TENM3: variants seen among roughly 807,000 people sequenced by gnomAD.
TENM3 encodes the protein teneurin transmembrane protein 3, also known as teneurin-3.
Under a neutral mutation model 255.1 loss-of-function variants are expected in TENM3, and 63 were observed. The ratio of observed to expected loss-of-function variants is 0.25; its 90% CI spans 0.20 to 0.30. The LOEUF (loss-of-function observed/expected upper bound fraction) is 0.30, where lower values mean the gene tolerates loss of function less well. Ranked by LOEUF, TENM3 falls within the 10% of genes least tolerant of loss-of-function variation. The pLI is 1.00. For missense variants in TENM3, 2,929 were observed against 3,461.1 expected (o/e 0.85, Z 3.86); for synonymous variants, 1,306 against 1,322.3 (o/e 0.99, Z 0.27).
chr4:181,699,326 G>A, the TENM3 span, among the ~76,000 whole-genome samples: 1 of 151,160 alleles, frequency 6.6e-6, no homozygotes, highest in Non-Finnish European at 1.5e-5. Flanking sequence ...AGCTACTTGG[G>A]CAGCTGAGAC....
At chr4:182,481,043 TTA>T (rs1290205409) in intron 3 of TENM3, among the ~76,000 whole-genome samples, 1 of 150,060 alleles carries the variant, frequency 6.7e-6, no homozygotes, top group African/African-American at 2.4e-5. Context: ...TATAATCCTC[TTA>T]TCTATTGCTT....
At chr4:182,695,985 C>T (rs1015881343) in intron 12 of TENM3, among the ~76,000 whole-genome samples, 1 of 152,126 alleles carries the variant, frequency 6.6e-6, no homozygotes, top group Non-Finnish European at 1.5e-5. Flanking sequence ...TGTTACTCAT[C>T]CCAGTGTATC....
At chr4:182,202,253 A>T (rs1382544120) in intron 1 of TENM3, among the ~76,000 whole-genome samples, 1 of 151,286 alleles carries the variant, frequency 6.6e-6, no homozygotes, top group Non-Finnish European at 1.5e-5. Context: ...AAGTTCCTGA[A>T]GTTCCTGGTG....
intron 3 of TENM3, among the ~76,000 whole-genome samples, chr4:182,464,690 A>C (rs1389117846): frequency 6.6e-6 from 1 of 152,236 alleles, no homozygotes; most frequent in Non-Finnish European, 1.5e-5. Flanking sequence ...GTTACAAAAT[A>C]AAAATTTTTA....
At chr4:181,761,127 C>G in the TENM3 span, among the ~76,000 whole-genome samples, 1 of 151,932 alleles carries the variant, frequency 6.6e-6, no homozygotes, top group African/African-American at 2.4e-5. Context: ...GTTGCTTAGT[C>G]AAGGCAAGAG....
rs556325871 is a variant in TENM3, at chr4:182,789,627, C to A, written c.5601+238C>A. Reference sequence around the variant, plus strand: ...CCTTTTAAGTGATTTATGATGTAAACAAATAAGCATTAACGTTGTCCACCT... The same window carrying A: ...CCTTTTAAGTGATTTATGATGTAAAAAAATAAGCATTAACGTTGTCCACCT... On this transcript the variant is annotated intron_variant, in intron 25 of 27. Coordinates refer to ENST00000511685, the MANE Select transcript of TENM3 (RefSeq NM_001080477.4). The surrounding 1 kb of genome is among the most constrained non-coding windows in gnomAD (Gnocchi z 4.4). 1.4e-4 allele frequency among the ~76,000 whole-genome samples: 21 copies of A among 152,188 alleles called. No homozygotes were observed. The highest frequency in any genetic ancestry group is 2.2e-4 in the Non-Finnish European group (15 of 68,034).
At chr4:182,704,269 A>T (rs1758105085) in intron 12 of TENM3, among the ~76,000 whole-genome samples, 1 of 152,352 alleles carries the variant, frequency 6.6e-6, no homozygotes, top group South Asian at 2.1e-4. Flanking sequence ...CATACATCAC[A>T]CACCACACAA....
chr4:182,129,007 G>A, the TENM3 span, among the ~76,000 whole-genome samples: 6 of 152,296 alleles, frequency 3.9e-5, no homozygotes, highest in African/African-American at 7.2e-5. Context: ...AGCAGGTCAC[G>A]AGGGAAGAAA....
the TENM3 span, among the ~76,000 whole-genome samples, chr4:181,844,028 T>G: frequency 6.6e-6 from 1 of 152,042 alleles, no homozygotes; most frequent in African/African-American, 2.4e-5. Context: ...GAGGGCCTTC[T>G]TACTGTGCTG....
chr4:181,553,605 C>G, the TENM3 span, among the ~76,000 whole-genome samples: 1 of 151,822 alleles, frequency 6.6e-6, no homozygotes, highest in Non-Finnish European at 1.5e-5. Flanking sequence ...CCACGCCCGG[C>G]TAATTTTTTG....
intron 3 of TENM3, among the ~76,000 whole-genome samples, chr4:182,482,834 T>G (rs1734326859): frequency 6.6e-6 from 1 of 152,158 alleles, no homozygotes; most frequent in Non-Finnish European, 1.5e-5. Context: ...ACAGTGTACT[T>G]AAAAGAGGTC....
chr4:181,950,791 A>G, the TENM3 span, among the ~76,000 whole-genome samples: 6 of 152,332 alleles, frequency 3.9e-5, no homozygotes, highest in South Asian at 1.2e-3. Context: ...CTGTAATCCC[A>G]GCGCTTTGGC....
the TENM3 span, among the ~76,000 whole-genome samples, chr4:181,675,990 T>A: frequency 1.3e-3 from 203 of 152,234 alleles, 1 homozygote; most frequent in African/African-American, 4.8e-3. Flanking sequence ...AAATCAAGTT[T>A]CTTCCTCTAC....
At chr4:182,058,048 CACGGA>C in the TENM3 span, among the ~76,000 whole-genome samples, 2 of 151,640 alleles carry the variant, frequency 1.3e-5, no homozygotes, top group South Asian at 4.2e-4. Flanking sequence ...ATAGTAAAGT[CACGGA>C]ACATGCTATG....
At chr4:181,765,314 T>C in the TENM3 span, among the ~76,000 whole-genome samples, 28 of 152,288 alleles carry the variant, frequency 1.8e-4, no homozygotes, top group Non-Finnish European at 3.4e-4. Context: ...GCAGGATCTG[T>C]GATGTGAAGT....
At chr4:181,605,566 GAAAGAGAGAGAAAGAAAGGAAAGAAA>G in the TENM3 span, among the ~76,000 whole-genome samples, 1 of 28,554 alleles carries the variant, frequency 3.5e-5, no homozygotes, top group Non-Finnish European at 1.1e-4. Context: ...AAGAAAGAAA[GAAAGAGAGAGAAAGAAAGGAAAGAAA>G]GAAAGAAAGA....
the TENM3 span, among the ~76,000 whole-genome samples, chr4:182,078,294 C>T: frequency 1.3e-4 from 20 of 152,132 alleles, no homozygotes; most frequent in Middle Eastern, 3.4e-3. Context: ...GAGGCTGAGG[C>T]GGCTGGATCA....
intron 12 of TENM3, among the ~76,000 whole-genome samples, chr4:182,706,971 AAC>A (rs1031554800): frequency 1.3e-5 from 2 of 151,902 alleles, no homozygotes; most frequent in African/African-American, 2.4e-5. Flanking sequence ...AAAAAAAAAA[AAC>A]AAAAAGACTC....
chr4:182,000,996 T>C, the TENM3 span, among the ~76,000 whole-genome samples: 22 of 105,010 alleles, frequency 2.1e-4, no homozygotes, highest in Middle Eastern at 5.4e-3. Flanking sequence ...AAGGCAGTTT[T>C]CTTTCCTTTT....
Sources: gnomAD v4.1 joint callset for allele counts (sites outside exome capture counted in the v4.1 genomes callset) on GRCh38, gnomAD v4.1.1 for gene constraint, Gnocchi (gnomAD v3.1) non-coding constraint, MANE v1.5 for transcripts, NCBI Gene and HGNC (gene_info 2026-07-23, HGNC 2026-07-21) for gene names.